AGBL1: variants seen among roughly 807,000 people sequenced by gnomAD.
The protein encoded by AGBL1 is AGBL carboxypeptidase 1, also known as cytosolic carboxypeptidase 4.
In AGBL1, 130 loss-of-function variants were observed where a neutral mutation model predicts 118.9. The ratio of observed to expected loss-of-function variants is 1.09; its 90% CI spans 0.95 to 1.26. The LOEUF (loss-of-function observed/expected upper bound fraction) is 1.26. Ranked by LOEUF, AGBL1 falls within the 50% of genes most tolerant of loss-of-function variation. The pLI is 0.00. For missense variants in AGBL1, 1,584 were observed against 1,298.1 expected, an observed-to-expected ratio of 1.22 and a Z score of -3.38; for synonymous variants, 555 against 478.9, an observed-to-expected ratio of 1.16 and a Z score of -2.08.
At chr15:86,245,261 C>G (rs939216599) in intron 6 of AGBL1, among the ~76,000 whole-genome samples, 4 of 152,206 alleles carry the variant, frequency 2.6e-5, no homozygotes, top group Non-Finnish European at 5.9e-5. Flanking sequence ...TATGCACTCA[C>G]ATGGTCTTAG....
chr15:86,279,179 A>G (rs1039270449), intron 15 of AGBL1, among the ~76,000 whole-genome samples: 3 of 152,248 alleles, frequency 2.0e-5, no homozygotes, highest in Non-Finnish European at 2.9e-5. Flanking sequence ...TGTGATTGCT[A>G]ATAAATCTAC....
intron 22 of AGBL1, among the ~76,000 whole-genome samples, chr15:86,741,299 A>G (rs1356213190): frequency 1.3e-5 from 2 of 148,800 alleles, no homozygotes; most frequent in Non-Finnish European, 1.5e-5. Context: ...GTGTCACATC[A>G]GGTTACAGAA....
chr15:86,749,258 TTC>T (rs1302921541), intron 22 of AGBL1, among the ~76,000 whole-genome samples: 2 of 152,314 alleles, frequency 1.3e-5, no homozygotes, highest in African/African-American at 4.8e-5. Context: ...AAGTATTGTA[TTC>T]TCTTTGAAGC....
chr15:86,697,694 G>C (rs1390137626), intron 22 of AGBL1, among the ~76,000 whole-genome samples: 1 of 151,704 alleles, frequency 6.6e-6, no homozygotes, highest in Non-Finnish European at 1.5e-5. Flanking sequence ...TGTTTTTCTG[G>C]TTCCTTTTCA....
chr15:86,151,272 C>T (rs1458908895), intron 3 of AGBL1, among the ~76,000 whole-genome samples: 3 of 146,430 alleles, frequency 2.0e-5, no homozygotes, highest in Admixed American at 1.4e-4. Flanking sequence ...GCACATTGTG[C>T]ACAAGTACCC....
chr15:86,104,610 C>T (rs1896927050), intron 1 of AGBL1, among the ~76,000 whole-genome samples: 1 of 152,092 alleles, frequency 6.6e-6, no homozygotes, highest in South Asian at 2.1e-4. Context: ...AGGCTTGTTG[C>T]CAATGGCTTG....
At chr15:87,004,975 C>G (rs1346362134) in intron 24 of AGBL1, among the ~76,000 whole-genome samples, 1 of 152,108 alleles carries the variant, frequency 6.6e-6, no homozygotes, top group South Asian at 2.1e-4. Context: ...ATATGAAATT[C>G]TGGGTTGAAA....
chr15:86,760,447 C>G (rs747156272), intron 22 of AGBL1, among the ~76,000 whole-genome samples: 2 of 152,070 alleles, frequency 1.3e-5, no homozygotes, highest in East Asian at 1.9e-4. Flanking sequence ...TAACATTTCT[C>G]AATGACTTTC....
intron 22 of AGBL1, among the ~76,000 whole-genome samples, chr15:86,884,843 G>A (rs746084580): frequency 1.3e-5 from 2 of 152,220 alleles, no homozygotes; most frequent in Non-Finnish European, 2.9e-5. Context: ...CAATGCCATT[G>A]AGTAAAATGA....
intron 21 of AGBL1, among the ~76,000 whole-genome samples, chr15:86,599,634 T>C (rs1413334637): frequency 6.6e-6 from 1 of 152,154 alleles, no homozygotes; most frequent in African/African-American, 2.4e-5. Context: ...TAAGCGGTGA[T>C]AATATCATGT....
chr15:86,119,382 A>T (rs1025521028), intron 1 of AGBL1, among the ~76,000 whole-genome samples: 1 of 151,256 alleles, frequency 6.6e-6, no homozygotes, highest in South Asian at 2.1e-4. Context: ...CCTTCTTGCT[A>T]CTGATGGGCT....
At chr15:86,214,089 G>C (rs1257777144) in intron 5 of AGBL1, among the ~76,000 whole-genome samples, 1 of 152,174 alleles carries the variant, frequency 6.6e-6, no homozygotes. Context: ...CTAAGCCTTG[G>C]TACCGCATAT....
chr15:86,314,708 C>T (rs1244036120), intron 17 of AGBL1, among the ~76,000 whole-genome samples: 1 of 152,170 alleles, frequency 6.6e-6, no homozygotes, highest in Non-Finnish European at 1.5e-5. Flanking sequence ...TTTCCTGAGA[C>T]ATTGCTTCCC....
intron 22 of AGBL1, among the ~76,000 whole-genome samples, chr15:86,793,094 T>C (rs1019337859): frequency 2.6e-5 from 4 of 152,174 alleles, no homozygotes; most frequent in African/African-American, 9.7e-5. Context: ...AATTTCCCAT[T>C]CTTTTTAAAA....
chr15:86,868,388 T>G (rs1475451023), intron 22 of AGBL1, among the ~76,000 whole-genome samples: 3 of 152,220 alleles, frequency 2.0e-5, no homozygotes, highest in Admixed American at 6.5e-5. Context: ...ATGAGAAGTC[T>G]TGTTTATATA....
intron 1 of AGBL1, chr15:86,088,407 G>T (rs1385902331): frequency 6.6e-6 from 1 of 152,256 alleles, no homozygotes; most frequent in Non-Finnish European, 1.5e-5. Flanking sequence ...GAACTATGCA[G>T]TTCAGAGTCC....
chr15:86,763,630 C>T (rs2078057715), intron 22 of AGBL1, among the ~76,000 whole-genome samples: 1 of 151,906 alleles, frequency 6.6e-6, no homozygotes. Flanking sequence ...CCTAACACAG[C>T]TCTCACCTTT....
At chr15:86,930,902 G>A (rs2080596196) in intron 23 of AGBL1, among the ~76,000 whole-genome samples, 1 of 152,160 alleles carries the variant, frequency 6.6e-6, no homozygotes, top group African/African-American at 2.4e-5. Context: ...GTTGCGAGAT[G>A]TCTGATTCCC....
At chr15:86,507,668 C>A (rs540098483) in intron 18 of AGBL1, among the ~76,000 whole-genome samples, 21 of 152,044 alleles carry the variant, frequency 1.4e-4, no homozygotes, top group Middle Eastern at 3.4e-3. Flanking sequence ...TGAACAGAAA[C>A]TTGAGAGAGT....
Sources: gnomAD v4.1 joint callset for allele counts (sites outside exome capture counted in the v4.1 genomes callset) on GRCh38, gnomAD v4.1.1 for gene constraint, MANE v1.5 for transcripts, NCBI Gene and HGNC (gene_info 2026-07-23, HGNC 2026-07-21) for gene names.